PDE4D: variants seen among roughly 807,000 people sequenced by gnomAD.
PDE4D encodes 3',5'-cyclic-AMP phosphodiesterase 4D.
A neutral mutation model predicts 87.4 loss-of-function variants in PDE4D; 24 were observed. That is an observed-to-expected ratio of 0.27 (90% CI 0.20 to 0.39). PDE4D has a LOEUF of 0.39. Ranked by LOEUF, PDE4D falls within the 10% of genes least tolerant of loss-of-function variation. The probability of loss-of-function intolerance (pLI) is 1.00; values close to 1 mark genes in which losing one functional copy is unlikely to be tolerated. For synonymous variants in PDE4D, 384 were observed against 383.2 expected, an observed-to-expected ratio of 1.00 and a Z score of -0.02; for missense variants, 714 against 1,041.0, an observed-to-expected ratio of 0.69 and a Z score of 4.32.
chr5:59,811,489 T>C (rs761662258), intron 1 of PDE4D, among the ~76,000 whole-genome samples: 1 of 152,166 alleles, frequency 6.6e-6, no homozygotes, highest in Non-Finnish European at 1.5e-5. Flanking sequence ...ATTTCAAAAC[T>C]CTCTTTTCAA....
chr5:59,565,076 T>C (rs1224524965), intron 1 of PDE4D, among the ~76,000 whole-genome samples: 2 of 151,894 alleles, frequency 1.3e-5, no homozygotes, highest in East Asian at 3.9e-4. Context: ...GCAGCTGGGG[T>C]GTGGCACATG....
intron 1 of PDE4D, among the ~76,000 whole-genome samples, chr5:60,431,888 C>G (rs886100490): frequency 4.6e-5 from 7 of 152,230 alleles, no homozygotes; most frequent in Non-Finnish European, 8.8e-5. Flanking sequence ...CCGGCCAACA[C>G]AGCGAAACCC....
chr5:59,407,393 T>G (rs1160633602), intron 1 of PDE4D, among the ~76,000 whole-genome samples: 2 of 152,170 alleles, frequency 1.3e-5, no homozygotes, highest in Non-Finnish European at 2.9e-5. Context: ...TTTCTATTTC[T>G]TCATAAATTA....
chr5:59,581,344 C>T (rs1018487558), intron 1 of PDE4D, among the ~76,000 whole-genome samples: 1 of 151,998 alleles, frequency 6.6e-6, no homozygotes. Flanking sequence ...GCCTATTTTT[C>T]TCTGAACCCA....
intron 6 of PDE4D, among the ~76,000 whole-genome samples, chr5:59,008,672 C>T (rs4479801): frequency 0.1 from 15,340 of 151,816 alleles, 1,042 homozygotes; most frequent in Non-Finnish European, 0.13. Context: ...TGTGATCTTG[C>T]GTTAGGCAAA....
intron 1 of PDE4D, among the ~76,000 whole-genome samples, chr5:60,388,584 T>G (rs1762360815): frequency 6.6e-6 from 1 of 152,118 alleles, no homozygotes; most frequent in Admixed American, 6.5e-5. Flanking sequence ...GAACATGCGG[T>G]GCTTGGTTTT....
intron 2 of PDE4D, among the ~76,000 whole-genome samples, chr5:59,209,299 C>T (rs1413679668): frequency 1.3e-5 from 2 of 152,150 alleles, no homozygotes; most frequent in African/African-American, 4.8e-5. Context: ...GATCCTCCTG[C>T]TTCAGCCTCC....
intron 3 of PDE4D, among the ~76,000 whole-genome samples, chr5:59,919,653 T>A (rs1754451343): frequency 6.6e-6 from 1 of 152,232 alleles, no homozygotes; most frequent in South Asian, 2.1e-4. Context: ...CTGAACCTGG[T>A]AATCATGCAC....
chr5:60,336,272 C>G (rs1366496224), intron 1 of PDE4D, among the ~76,000 whole-genome samples: 2 of 152,092 alleles, frequency 1.3e-5, no homozygotes, highest in South Asian at 4.1e-4. Flanking sequence ...CTCAGTAAGC[C>G]CTTTTGTTCC....
intron 1 of PDE4D, among the ~76,000 whole-genome samples, chr5:59,709,391 A>C (rs1211231877): frequency 6.6e-6 from 1 of 152,204 alleles, no homozygotes; most frequent in East Asian, 1.9e-4. Context: ...TCACTAAAAT[A>C]GAATTTTCTG....
chr5:59,814,923 A>G, intron 1 of PDE4D, among the ~76,000 whole-genome samples: 1 of 152,234 alleles, frequency 6.6e-6, no homozygotes, highest in East Asian at 1.9e-4. Context: ...CTAGTAATTT[A>G]CATGAGAAGG....
At chr5:59,501,551 C>G (rs772708183) in intron 1 of PDE4D, among the ~76,000 whole-genome samples, 26 of 152,070 alleles carry the variant, frequency 1.7e-4, no homozygotes, top group Admixed American at 2.6e-4. Flanking sequence ...TGAGGAAATG[C>G]ATCCAGAGGC....
chr5:59,740,647 C>T (rs1005527894), intron 1 of PDE4D, among the ~76,000 whole-genome samples: 1 of 152,116 alleles, frequency 6.6e-6, no homozygotes, highest in Non-Finnish European at 1.5e-5. Context: ...ATTAAATATA[C>T]AATCAGTAGC....
At chr5:59,578,900 T>C (rs958071183) in intron 1 of PDE4D, among the ~76,000 whole-genome samples, 1 of 152,094 alleles carries the variant, frequency 6.6e-6, no homozygotes, top group Non-Finnish European at 1.5e-5. Context: ...TGCTTGGTGT[T>C]CTTCACTAGC....
chr5:59,208,908 A>G (rs1238329896), intron 2 of PDE4D, among the ~76,000 whole-genome samples: 2 of 152,216 alleles, frequency 1.3e-5, no homozygotes, highest in Non-Finnish European at 2.9e-5. Flanking sequence ...TTTAATAGCT[A>G]GTATTAATGC....
intron 1 of PDE4D, among the ~76,000 whole-genome samples, chr5:59,808,743 T>C (rs574585808): frequency 3.6e-4 from 55 of 152,322 alleles, no homozygotes; most frequent in African/African-American, 1.3e-3. Context: ...AAACAAAGAC[T>C]GATTATGAAT....
intron 1 of PDE4D, among the ~76,000 whole-genome samples, chr5:59,435,697 C>T (rs1419046354): frequency 6.6e-6 from 1 of 152,144 alleles, no homozygotes; most frequent in African/African-American, 2.4e-5. Context: ...GAACCTAAAA[C>T]AACATTTGCT....
In PDE4D at chr5:60,343,961, G is replaced by A. The variant is rs564998756; in HGVS notation, c.-90+143981C>T. Among the ~76,000 whole-genome samples, 3 of 141,140 alleles carry A rather than the reference G, an allele frequency of 2.1e-5. No homozygotes were observed. The South Asian group carries it at 6.6e-4, about 31-fold the overall frequency. 92.6% of individuals were successfully genotyped at this position (141,140 alleles called of 152,430 possible). A position where few individuals can be genotyped will look rare whatever the true frequency, so the allele number is the denominator to read the frequency against. ...TCTCTCTGGTTCAAATACTTAAGAT[G>A]ACTCATCTTTTTTTTTTTTTTGGAC... On this transcript the variant is annotated intron_variant, in intron 1 of 16. Coordinates refer to the PDE4D transcript ENST00000502484.
At chr5:59,544,811 T>A (rs1022334041) in intron 1 of PDE4D, among the ~76,000 whole-genome samples, 1 of 152,194 alleles carries the variant, frequency 6.6e-6, no homozygotes, top group African/African-American at 2.4e-5. Flanking sequence ...TTCATCAATT[T>A]ATAGACAGAA....
Sources: gnomAD v4.1 joint callset for allele counts (sites outside exome capture counted in the v4.1 genomes callset) on GRCh38, gnomAD v4.1.1 for gene constraint, MANE v1.5 for transcripts, NCBI Gene and HGNC (gene_info 2026-07-23, HGNC 2026-07-21) for gene names.